The following LUC7L2 variants were observed in gnomAD, a reference collection of about 807,000 sequenced individuals.
LUC7L2 encodes the protein putative RNA-binding protein Luc7-like 2.
Under a neutral mutation model 52.8 loss-of-function variants are expected in LUC7L2, and 25 were observed. That is an observed-to-expected ratio of 0.47 (90% CI 0.34 to 0.66). LUC7L2 has a LOEUF of 0.66. LUC7L2 is among the 30% of genes least tolerant of loss of function. LUC7L2 has a pLI of 0.01. For synonymous variants in LUC7L2, 144 were observed against 160.9 expected, an observed-to-expected ratio of 0.89 and a Z score of 0.80; for missense variants, 328 against 497.8, an observed-to-expected ratio of 0.66 and a Z score of 3.25.
intron 1 of LUC7L2, among the ~76,000 whole-genome samples, chr7:139,370,172 T>C (rs1166811477): frequency 2.0e-5 from 3 of 152,200 alleles, no homozygotes; most frequent in Non-Finnish European, 4.4e-5. Context: ...CCCTATACTT[T>C]GGATGGTTTA....
intron 2 of LUC7L2, among the ~76,000 whole-genome samples, chr7:139,379,650 A>G (rs999535231): frequency 3.9e-5 from 5 of 126,590 alleles, no homozygotes; most frequent in African/African-American, 6.1e-5. Flanking sequence ...GCTCACTGCA[A>G]CCTCCGCCTC....
chr7:139,398,682 T>C lies in LUC7L2; in HGVS notation c.240T>C (p.Phe80=). ...AAATTGCATCCAAAGAACAAGATTT[T>C]TTCTTTGAACTTGATGTATGTGATT... ...DYEIASKEQD[F]FFELDAMDHL... The change falls in exon 3 of 10, where the codon TTT becomes TTC. Residue 80 remains phenylalanine (F), a synonymous_variant. Coordinates refer to ENST00000354926, the MANE Select transcript of LUC7L2 (RefSeq NM_016019.5). 1 of 1,611,916 alleles carries C rather than the reference T, an allele frequency of 6.2e-7. No individual in the cohort carries two copies. Among genetic ancestry groups the C allele is most frequent in the South Asian group, 1.1e-5 (1 of 90,648 alleles).
chr7:139,362,435 A>G (rs1300548291), intron 1 of LUC7L2, among the ~76,000 whole-genome samples: 1 of 152,102 alleles, frequency 6.6e-6, no homozygotes, highest in Non-Finnish European at 1.5e-5. Context: ...ATAGGGGAAC[A>G]TGGAAACGTC....
chr7:139,408,252 G>T (rs939598275), intron 6 of LUC7L2, among the ~76,000 whole-genome samples: 1 of 152,050 alleles, frequency 6.6e-6, no homozygotes, highest in Non-Finnish European at 1.5e-5. Flanking sequence ...TAAAAATTTC[G>T]AAAAGAGTCA....
intron 1 of LUC7L2, among the ~76,000 whole-genome samples, chr7:139,344,626 T>G (rs771473832): frequency 3.9e-5 from 6 of 151,966 alleles, no homozygotes; most frequent in Non-Finnish European, 7.4e-5. Context: ...GTTTTATACA[T>G]GAAACCTTCA....
chr7:139,370,506 G>T (rs1459233360), intron 1 of LUC7L2, among the ~76,000 whole-genome samples: 1 of 152,152 alleles, frequency 6.6e-6, no homozygotes, highest in Non-Finnish European at 1.5e-5. Context: ...GAGCCAGGCT[G>T]GAGTGCAGTG....
Position 139,402,248 on chromosome 7 carries a change from G to T in LUC7L2, c.366+1G>T. ...GATTAGTGCTGAAGTAGCAGCAAAG[G>T]TAAGAATTTTAATCATTTCATTAGT... On this transcript the variant is annotated splice_donor_variant, in intron 4 of 9. Transcript: ENST00000354926. LOFTEE classifies it high-confidence loss of function. The T allele has an allele frequency of 6.3e-7, 1 of 1,588,484 alleles. No individual in the cohort carries two copies. The highest frequency in any genetic ancestry group is 8.5e-7 in the Non-Finnish European group (1 of 1,171,538).
chr7:139,396,304 C>A (rs1434756672), intron 2 of LUC7L2, among the ~76,000 whole-genome samples: 1 of 151,762 alleles, frequency 6.6e-6, no homozygotes, highest in Non-Finnish European at 1.5e-5. Flanking sequence ...GATATGGTGG[C>A]GGGGGACGGT....
chr7:139,417,429 A>G, intron 8 of LUC7L2, 109 bp from the exon 9 acceptor site: 1 of 1,355,022 alleles, frequency 7.4e-7, no homozygotes, highest in East Asian at 2.4e-5. Context: ...TTGGAATATA[A>G]TTGACATTAA....
At chr7:139,345,370 T>C in intron 1 of LUC7L2, 3 of 1,351,290 alleles carry the variant, frequency 2.2e-6, no homozygotes, top group Non-Finnish European at 3.0e-6. Context: ...AGTATACATG[T>C]ATATACATAC....
intron 7 of LUC7L2, among the ~76,000 whole-genome samples, chr7:139,411,274 C>T (rs895015039): frequency 6.6e-6 from 1 of 152,066 alleles, no homozygotes; most frequent in Middle Eastern, 3.4e-3. Flanking sequence ...GTCGTTGAAT[C>T]TGTGAGCTTA....
intron 5 of LUC7L2, among the ~76,000 whole-genome samples, 155 bp downstream of exon 5, chr7:139,405,942 CAAAAA>C (rs1055258438): frequency 6.6e-6 from 1 of 152,174 alleles, no homozygotes; most frequent in African/African-American, 2.4e-5. Context: ...AACTAAAAGA[CAAAAA>C]CAAAACAAAA....
At chr7:139,403,883 A>T (rs1427195823) in intron 4 of LUC7L2, among the ~76,000 whole-genome samples, 2 of 152,196 alleles carry the variant, frequency 1.3e-5, no homozygotes, top group Admixed American at 1.3e-4. Context: ...AGAAGCATCA[A>T]GCCCCATCAC....
chr7:139,355,115 TCTCCC>T (rs1799571581), upstream of LUC7L2, among the ~76,000 whole-genome samples: 1 of 66,100 alleles, frequency 1.5e-5, no homozygotes, highest in Non-Finnish European at 2.5e-5. Flanking sequence ...CCTGCGTAGA[TCTCCC>T]AAAGTGTGGG....
At chr7:139,348,757 A>T (rs1409785918) in intron 1 of LUC7L2, among the ~76,000 whole-genome samples, 1 of 152,172 alleles carries the variant, frequency 6.6e-6, no homozygotes, top group Admixed American at 6.5e-5. Flanking sequence ...TACTTGTATA[A>T]TTTACCAGAT....
At chr7:139,404,736 G>A (rs1000409575) in intron 4 of LUC7L2, among the ~76,000 whole-genome samples, 1 of 152,216 alleles carries the variant, frequency 6.6e-6, no homozygotes, top group Non-Finnish European at 1.5e-5. Context: ...GACTCATAGA[G>A]TGGAGTTGCC....
At chr7:139,368,556 T>C (rs1278740024) in intron 1 of LUC7L2, among the ~76,000 whole-genome samples, 1 of 152,092 alleles carries the variant, frequency 6.6e-6, no homozygotes, top group Non-Finnish European at 1.5e-5. Context: ...CTGGCCAACA[T>C]GGTGAAACCT....
At chr7:139,346,377 T>C (rs1315717710) in intron 1 of LUC7L2, 1 of 152,236 alleles carries the variant, frequency 6.6e-6, no homozygotes, top group Non-Finnish European at 1.5e-5. Flanking sequence ...TACTAACAGT[T>C]TGATGTGCAT....
At chr7:139,398,774 T>C in intron 3 of LUC7L2, 77 bp downstream of exon 3, 2 of 1,377,474 alleles carry the variant, frequency 1.5e-6, no homozygotes, top group Admixed American at 2.2e-5. Context: ...GATCTCTTAA[T>C]AGGAAAAACT....
Sources: allele counts gnomAD v4.1 joint callset (sites outside exome capture counted in the v4.1 genomes callset), GRCh38; gene constraint gnomAD v4.1.1; transcripts MANE v1.5; gene names NCBI Gene and HGNC (gene_info 2026-07-23, HGNC 2026-07-21).